TAL1: variants seen among roughly 807,000 people sequenced by gnomAD.
TAL1 encodes T-cell acute lymphocytic leukemia protein 1.
TAL1 carries 8 observed loss-of-function variants against 17.9 expected under a neutral mutation model. The observed-to-expected ratio is 0.45, with a 90% CI of 0.26 to 0.81. The LOEUF (loss-of-function observed/expected upper bound fraction) is 0.81, where lower values mean the gene tolerates loss of function less well. TAL1 is among the 30% of genes least tolerant of loss of function. The probability of loss-of-function intolerance (pLI) is 0.17; values close to 1 mark genes in which losing one functional copy is unlikely to be tolerated. For missense variants in TAL1, 466 were observed against 486.9 expected (o/e 0.96, Z 0.40); for synonymous variants, 223 against 218.6 (o/e 1.02, Z -0.18).
exon 4 of TAL1, chr1:47,219,814 G>C: frequency 6.2e-7 from 1 of 1,608,490 alleles, no homozygotes; most frequent in Non-Finnish European, 8.5e-7. Flanking sequence ...GTAGCTGTCC[G>C]GGCTGGCTGC....
At chr1:47,222,208 T>A (rs1192647134) in intron 3 of TAL1, among the ~76,000 whole-genome samples, 2 of 152,194 alleles carry the variant, frequency 1.3e-5, no homozygotes, top group East Asian at 3.9e-4. Flanking sequence ...TTATGACTGC[T>A]GTCACAGCTG....
At chr1:47,220,299 A>G in intron 3 of TAL1, 125 bp from the exon 5 acceptor site, 1 of 1,351,092 alleles carries the variant, frequency 7.4e-7, no homozygotes, top group Non-Finnish European at 9.5e-7. Context: ...GAAAACATCC[A>G]CCCTTCAAAT....
exon 4 of TAL1, chr1:47,218,356 A>C (rs543075152): frequency 4.3e-6 from 1 of 233,012 alleles, no homozygotes; most frequent in Admixed American, 5.6e-5. Flanking sequence ...GCAGTGGTTC[A>C]TTCTACAAAA....
At chr1:47,226,022 A>T (rs1003404330) in intron 1 of TAL1, 133 bp from the exon 3 acceptor site, 1 of 622,402 alleles carries the variant, frequency 1.6e-6, no homozygotes, top group Non-Finnish European at 2.2e-6. Flanking sequence ...AGGCAGACAA[A>T]GTTAGCGCCA....
At chr1:47,227,552 C>T (rs1342756510) in intron 1 of TAL1, 14 of 152,154 alleles carry the variant, frequency 9.2e-5, no homozygotes, top group Admixed American at 7.2e-4. Flanking sequence ...CACTAGACAC[C>T]CAGGATGACA....
At chr1:47,222,055 C>A (rs1401283112) in intron 3 of TAL1, among the ~76,000 whole-genome samples, 1 of 152,232 alleles carries the variant, frequency 6.6e-6, no homozygotes. Context: ...CTACCCTGGG[C>A]GGCCTCTGAG....
chr1:47,231,203 G>A (rs1644007258), upstream of TAL1: 1 of 180,638 alleles, frequency 5.5e-6, no homozygotes, highest in Admixed American at 6.3e-5. Flanking sequence ...GGGCCTCCGG[G>A]CAGAGCAGCC....
At chr1:47,216,473 A>G (rs529505887) in exon 4 of TAL1, 11 of 230,344 alleles carry the variant, frequency 4.8e-5, no homozygotes, top group Admixed American at 4.0e-4. Context: ...GCAGAGACCA[A>G]CGCAATTCAT....
intron 1 of TAL1, among the ~76,000 whole-genome samples, chr1:47,226,940 A>G (rs755146496): frequency 4.6e-5 from 7 of 152,238 alleles, no homozygotes; most frequent in Non-Finnish European, 8.8e-5. Flanking sequence ...TGCATTTGAA[A>G]GTGCTGTGCA....
chr1:47,230,610 T>A (rs1455425979), upstream of TAL1: 1 of 152,048 alleles, frequency 6.6e-6, no homozygotes, highest in Non-Finnish European at 1.5e-5. Flanking sequence ...CATTTTCTCT[T>A]CCTACCTCAA....
At chr1:47,227,951 C>G (rs188129158) in intron 1 of TAL1, 21 of 152,398 alleles carry the variant, frequency 1.4e-4, no homozygotes, top group African/African-American at 4.6e-4. Flanking sequence ...GCCCCAGCTT[C>G]TAACCGAGTG....
rs1005642729 is a variant in TAL1, at chr1:47,216,773, C to T, written c.*2947G>A. The T allele has an allele frequency of 7.3e-5, 17 of 231,554 alleles. No individual in the cohort carries two copies. In the Admixed American group the frequency reaches 9.0e-4, roughly 12 times the overall value. The allele number at this position is 231,554 out of a possible 1,614,324, so 14.3% of individuals were successfully genotyped here. ...TGTGATTCCCTTCAGTGGTTATGGT[C>T]ATCTTTGTTCTCAAAATGTTGTTTT... On this transcript the variant is annotated 3_prime_UTR_variant, in exon 4 of 4. Transcript: ENST00000294339.
At chr1:47,223,747 T>G in intron 3 of TAL1, 1 of 424,996 alleles carries the variant, frequency 2.4e-6, no homozygotes. Context: ...ACTCCAGAGG[T>G]TTGGGCTAAG....
At chr1:47,226,221 AG>A in intron 1 of TAL1, 1 of 338,618 alleles carries the variant, frequency 3.0e-6, no homozygotes, top group Non-Finnish European at 5.3e-6. Flanking sequence ...AGGGGAAATC[AG>A]GAGGAAGGAA....
At chr1:47,218,796 G>A (rs747026602) in exon 4 of TAL1, 103 of 234,098 alleles carry the variant, frequency 4.4e-4, no homozygotes, top group Non-Finnish European at 8.1e-4. Flanking sequence ...TAAGCATCCA[G>A]GAGAATGCAC....
chr1:47,221,567 A>G (rs1262238048), intron 3 of TAL1, among the ~76,000 whole-genome samples: 1 of 152,284 alleles, frequency 6.6e-6, no homozygotes, highest in South Asian at 2.1e-4. Context: ...TCTCCCTAAC[A>G]TCGAGGCACA....
chr1:47,223,902 A>G, intron 3 of TAL1, 102 bp downstream of exon 4: 6 of 1,194,466 alleles, frequency 5.0e-6, no homozygotes, highest in Non-Finnish European at 7.3e-6. Flanking sequence ...TGGCCCGCCC[A>G]TCTTTGTGAG....
At chr1:47,225,137 A>G (rs1557678407) in intron 2 of TAL1, among the ~76,000 whole-genome samples, 1 of 152,032 alleles carries the variant, frequency 6.6e-6, no homozygotes, top group Non-Finnish European at 1.5e-5. Flanking sequence ...ACCACCACCA[A>G]GCACACCAGC....
chr1:47,219,967 C>CCCT, exon 4 of TAL1: 2 of 1,323,444 alleles, frequency 1.5e-6, no homozygotes, highest in Non-Finnish European at 2.0e-6. Context: ...CCGCTGGGTG[C>CCCT]CCTCCTCCTC....
Sources: gnomAD v4.1 joint callset for allele counts (sites outside exome capture counted in the v4.1 genomes callset) on GRCh38, gnomAD v4.1.1 for gene constraint, MANE v1.5 for transcripts, NCBI Gene and HGNC (gene_info 2026-07-23, HGNC 2026-07-21) for gene names.